EPHA10: variants seen among roughly 807,000 people sequenced by gnomAD.
EPHA10 encodes EPH receptor A10.
In EPHA10, 120 loss-of-function variants were observed where a neutral mutation model predicts 109.7. The ratio of observed to expected loss-of-function variants is 1.09; its 90% CI spans 0.94 to 1.27. The LOEUF is 1.27. Ranked by LOEUF, EPHA10 falls within the 50% of genes most tolerant of loss-of-function variation. EPHA10 has a pLI of 0.00. For synonymous variants in EPHA10, 640 were observed against 618.9 expected, an observed-to-expected ratio of 1.03 and a Z score of -0.51; for missense variants, 1,396 against 1,411.1, an observed-to-expected ratio of 0.99 and a Z score of 0.17.
rs1489827190 is a variant in EPHA10 at position 37,719,323 on chromosome 1, G to A, written c.2756+91C>T. ...GTGAACAATTGCTCTTGGACAGGTG[G>A]GGTGGTGGAGGCGGTGGGTTTGCAC... On this transcript the variant is annotated intron_variant, in intron 15 of 16. Coordinates refer to ENST00000373048, the MANE Select transcript of EPHA10 (RefSeq NM_001099439.2). 3.5e-6 allele frequency: 5 copies of A among 1,411,852 alleles called. No individual in the cohort carries two copies. In the East Asian group the frequency reaches 7.1e-5, roughly 20 times the overall value. 87.5% of individuals were successfully genotyped at this position (1,411,852 alleles called of 1,614,324 possible). A position where few individuals can be genotyped will look rare whatever the true frequency, so the allele number is the denominator to read the frequency against.
In EPHA10 at chr1:37,721,807, G is replaced by C. The variant is rs904751334; in HGVS notation, c.1999C>G (p.Pro667Ala). ...GCTACGAGCAGCTCCTGGCGACCGG[G>C]GAGCTGCAAGCAGCCACAGCACAGC... ...GELCCGCLQLPGRQELLVAVH... is the reference protein window; with the variant it reads ...GELCCGCLQLAGRQELLVAVH... Residue 667 changes from proline to alanine, a missense_variant, in exon 11 of 17, where the codon CCC becomes GCC. By Grantham distance (27) the Pro-to-Ala change is conservative (BLOSUM62 -1). Transcript: ENST00000373048. 8 of 1,608,390 alleles carry C rather than the reference G, an allele frequency of 5.0e-6. No homozygotes were observed. The highest frequency in any genetic ancestry group is 6.8e-6 in the Non-Finnish European group (8 of 1,177,670).
In EPHA10 at chr1:37,719,764, C is replaced by A. The variant is rs563374536; in HGVS notation, c.2562+145G>T. 31 of 1,448,150 alleles carry A rather than the reference C, an allele frequency of 2.1e-5. No homozygotes were observed. In the East Asian group the frequency reaches 7.1e-4, roughly 33 times the overall value. 89.7% of individuals were successfully genotyped at this position (1,448,150 alleles called of 1,614,324 possible). A position where few individuals can be genotyped will look rare whatever the true frequency, so the allele number is the denominator to read the frequency against. ...CACACACACCCAAGGAAGCCTGGGG[C>A]AGTGGCCAGGCAGAACCAGAAGCAA... is the stretch of plus-strand genomic sequence containing the variant. On this transcript the variant is annotated intron_variant, in intron 14 of 16. Coordinates refer to ENST00000373048, the MANE Select transcript of EPHA10 (RefSeq NM_001099439.2).
chr1:37,742,701 T>G (rs1646172458), intron 5 of EPHA10, among the ~76,000 whole-genome samples: 4 of 68,568 alleles, frequency 5.8e-5, no homozygotes, highest in African/African-American at 8.9e-5. Flanking sequence ...TAAAGTCAGT[T>G]AGGGCCCAGC....
chr1:37,742,064 G>A (rs933458970), intron 5 of EPHA10, among the ~76,000 whole-genome samples: 1 of 152,202 alleles, frequency 6.6e-6, no homozygotes, highest in Admixed American at 6.5e-5. Context: ...TAGAGAGGTA[G>A]AAGATGGTTC....
intron 15 of EPHA10, chr1:37,719,095 G>T: frequency 1.7e-6 from 1 of 592,844 alleles, no homozygotes; most frequent in Non-Finnish European, 3.0e-6. Flanking sequence ...GACTCATATT[G>T]GGAACAACGA....
intron 8 of EPHA10, 65 bp from the exon 9 acceptor site, chr1:37,723,437 T>C (rs1645835787): frequency 3.2e-6 from 5 of 1,560,576 alleles, no homozygotes; most frequent in African/African-American, 1.4e-5. Context: ...TACAGAGCAC[T>C]GAGGGCAGCA....
At chr1:37,750,511 C>T (rs1646306625) in intron 5 of EPHA10, among the ~76,000 whole-genome samples, 2 of 151,244 alleles carry the variant, frequency 1.3e-5, no homozygotes, top group South Asian at 4.2e-4. Context: ...AAACCTAAGG[C>T]TTAGAGATAT....
chr1:37,723,845 C>A (rs1215454323), intron 8 of EPHA10, among the ~76,000 whole-genome samples: 2 of 152,242 alleles, frequency 1.3e-5, no homozygotes, highest in African/African-American at 4.8e-5. Flanking sequence ...GACAGACAGG[C>A]CTGACCTGAT....
At chr1:37,736,372 G>A (rs1482747327) in intron 5 of EPHA10, among the ~76,000 whole-genome samples, 1 of 151,838 alleles carries the variant, frequency 6.6e-6, no homozygotes, top group African/African-American at 2.4e-5. Flanking sequence ...AGCTACTTGG[G>A]AGGCTGAGGA....
chr1:37,736,087 T>C (rs1646065119), intron 5 of EPHA10, among the ~76,000 whole-genome samples: 1 of 152,228 alleles, frequency 6.6e-6, no homozygotes, highest in South Asian at 2.1e-4. Context: ...CATGATCTTA[T>C]ATGTAGAAAA....
At chr1:37,756,076 C>T (rs1263040289) in intron 3 of EPHA10, among the ~76,000 whole-genome samples, 4 of 152,064 alleles carry the variant, frequency 2.6e-5, no homozygotes, top group Non-Finnish European at 5.9e-5. Context: ...GGGAGGGGCT[C>T]GGCAGCCCAG....
intron 7 of EPHA10, among the ~76,000 whole-genome samples, chr1:37,729,706 C>A (rs1645950215): frequency 6.6e-6 from 1 of 151,878 alleles, no homozygotes; most frequent in Admixed American, 6.6e-5. Context: ...ATAGTGAGAC[C>A]CCCAAAAAGT....
At chr1:37,761,058 TG>T in intron 3 of EPHA10, 1 of 856,022 alleles carries the variant, frequency 1.2e-6, no homozygotes, top group Non-Finnish European at 1.5e-6. Context: ...CACTCCAGCC[TG>T]GGCAACAGAG....
At chr1:37,733,184 C>T (rs999841975) in intron 6 of EPHA10, among the ~76,000 whole-genome samples, 13 of 151,644 alleles carry the variant, frequency 8.6e-5, no homozygotes, top group East Asian at 3.9e-4. Context: ...TGCACCACCA[C>T]GCCCGGACTT....
rs1646460734 is a variant in EPHA10, at chr1:37,764,763, C to G, written c.106+198G>C. Among the ~76,000 whole-genome samples, 1 of 152,042 alleles carries G rather than the reference C, an allele frequency of 6.6e-6. No homozygotes were observed. Among genetic ancestry groups the G allele is most frequent in the Non-Finnish European group, 1.5e-5 (1 of 68,024 alleles). On this transcript the variant is annotated intron_variant, in intron 1 of 16. Transcript: ENST00000373048. This position sits in a 1 kb window ranked among gnomAD's most constrained non-coding sequence, Gnocchi z 5.8. Reference sequence around the variant, plus strand: ...TCCCAACCTCCCGGGTCTCCAGCCCCCAAGCTCCTCAGCGCCCCTCTCTTC... The same window carrying G: ...TCCCAACCTCCCGGGTCTCCAGCCCGCAAGCTCCTCAGCGCCCCTCTCTTC...
intron 5 of EPHA10, among the ~76,000 whole-genome samples, chr1:37,752,520 G>A (rs1646342935): frequency 6.6e-6 from 1 of 152,138 alleles, no homozygotes; most frequent in Non-Finnish European, 1.5e-5. Flanking sequence ...AGAAATCAGC[G>A]GCGAGGCCAA....
In EPHA10 at chr1:37,718,059, C is replaced by A; in HGVS notation, c.*313G>T. 2.5e-6 allele frequency: 1 copy of A among 405,654 alleles called. No homozygotes were observed. Among genetic ancestry groups the A allele is most frequent in the Non-Finnish European group, 4.4e-6 (1 of 226,774 alleles). 25.1% of individuals were successfully genotyped at this position (405,654 alleles called of 1,614,324 possible). A position where few individuals can be genotyped will look rare whatever the true frequency, so the allele number is the denominator to read the frequency against. On this transcript the variant is annotated 3_prime_UTR_variant, in exon 17 of 17. Coordinates refer to ENST00000373048, the MANE Select transcript of EPHA10 (RefSeq NM_001099439.2). ...CATGAGCCAGGGCAATCTCAACCCACTGTCTTCCCTCCCATCCCTGCCCCA... is the reference window on the plus strand; with the variant it reads ...CATGAGCCAGGGCAATCTCAACCCAATGTCTTCCCTCCCATCCCTGCCCCA...
At chr1:37,740,205 A>G (rs1000802376) in intron 5 of EPHA10, among the ~76,000 whole-genome samples, 1 of 152,196 alleles carries the variant, frequency 6.6e-6, no homozygotes, top group Non-Finnish European at 1.5e-5. Flanking sequence ...TTACAGTAAA[A>G]AAAATGTTGC....
At position 37,735,387 on chromosome 1, in the gene EPHA10, G is replaced by T; in HGVS notation, c.1361C>A (p.Pro454His). Residue 454 changes from proline (P) to histidine (H), a missense_variant, in exon 6 of 17, where the codon CCC (proline) becomes CAC (histidine). Coordinates refer to ENST00000373048, the MANE Select transcript of EPHA10 (RefSeq NM_001099439.2). ...CCTGCGGATCTCATCCTCCTCCCAG[G>T]GCGCTGAAAGTAAGTTACGTGGGAT... The part of the protein sequence containing the change: ...QVTVSTGPGA[P>H]WEEDEIRRDR... 6.3e-7 allele frequency: 1 copy of T among 1,580,982 alleles called. No homozygotes were observed. Among genetic ancestry groups the T allele is most frequent in the East Asian group, 2.3e-5 (1 of 43,524 alleles).
Sources: allele counts gnomAD v4.1 joint callset (sites outside exome capture counted in the v4.1 genomes callset), GRCh38; gene constraint gnomAD v4.1.1; non-coding constraint Gnocchi (gnomAD v3.1); transcripts MANE v1.5; gene names NCBI Gene and HGNC (gene_info 2026-07-23, HGNC 2026-07-21).